OSBPL10: variants seen among roughly 807,000 people sequenced by gnomAD.
OSBPL10 encodes the protein oxysterol-binding protein-related protein 10.
In OSBPL10, 49 loss-of-function variants were observed where a neutral mutation model predicts 81.7. The observed-to-expected ratio is 0.60, with a 90% confidence interval of 0.48 to 0.76. OSBPL10 has a LOEUF of 0.76. OSBPL10 is among the 30% of genes least tolerant of loss of function. The pLI is 0.00. For synonymous variants in OSBPL10, 419 were observed against 383.6 expected (o/e 1.09, Z -1.08); for missense variants, 923 against 987.8 (o/e 0.93, Z 0.88).
intron 5 of OSBPL10, among the ~76,000 whole-genome samples, chr3:31,734,781 C>A (rs1173090594): frequency 6.6e-6 from 1 of 152,160 alleles, no homozygotes; most frequent in East Asian, 1.9e-4. Flanking sequence ...GCTCAGTTGA[C>A]TGACACTCTG....
intron 1 of OSBPL10, among the ~76,000 whole-genome samples, chr3:32,048,037 T>G (rs1049893962): frequency 2.0e-5 from 3 of 152,044 alleles, no homozygotes; most frequent in Non-Finnish European, 4.4e-5. Flanking sequence ...TCCAATATCA[T>G]CCTGTGACTA....
upstream of OSBPL10, among the ~76,000 whole-genome samples, chr3:31,983,439 T>G (rs951903488): frequency 6.6e-6 from 1 of 152,196 alleles, no homozygotes; most frequent in African/African-American, 2.4e-5. Flanking sequence ...AATTCTCACC[T>G]TGGACTAAAA....
chr3:31,850,108 T>C (rs1009450797), intron 3 of OSBPL10, among the ~76,000 whole-genome samples: 11 of 152,088 alleles, frequency 7.2e-5, no homozygotes, highest in African/African-American at 2.4e-4. Flanking sequence ...GAGGTTGCAG[T>C]GAGCCGAGGT....
chr3:31,926,289 G>GCCTGCC (rs1553641094), intron 1 of OSBPL10, among the ~76,000 whole-genome samples: 1 of 130,114 alleles, frequency 7.7e-6, no homozygotes, highest in Admixed American at 7.9e-5. Context: ...GGGTGATTTT[G>GCCTGCC]CCCCCCCAGA....
intron 2 of OSBPL10, among the ~76,000 whole-genome samples, chr3:31,996,748 AACC>A (rs1699093598): frequency 6.6e-6 from 1 of 152,202 alleles, no homozygotes; most frequent in Non-Finnish European, 1.5e-5. Flanking sequence ...AAAGCCGAAA[AACC>A]AGCAAAAAGA....
At chr3:31,760,679 C>T (rs952567566) in intron 4 of OSBPL10, among the ~76,000 whole-genome samples, 4 of 152,148 alleles carry the variant, frequency 2.6e-5, no homozygotes, top group Non-Finnish European at 5.9e-5. Flanking sequence ...TGACTGTATG[C>T]CCTTTTTCAA....
Position 31,661,874 on chromosome 3 carries a change from G to A in OSBPL10, c.*198C>T, listed in dbSNP as rs191691275. ...TACGGTGTGTACACACACGTGCCCC[G>A]AATGGCTCTTGAATAAATTCATTCC... On this transcript the variant is annotated 3_prime_UTR_variant, in exon 12 of 12. Coordinates refer to ENST00000396556, the MANE Select transcript of OSBPL10 (RefSeq NM_017784.5). 38 of 712,454 alleles carry A rather than the reference G, an allele frequency of 5.3e-5. No individual in the cohort carries two copies. Among genetic ancestry groups the A allele is most frequent in the African/African-American group, 4.0e-4 (22 of 55,684 alleles). 44.1% of individuals were successfully genotyped at this position (712,454 alleles called of 1,614,324 possible). A position where few individuals can be genotyped will look rare whatever the true frequency, so the allele number is the denominator to read the frequency against.
intron 1 of OSBPL10, among the ~76,000 whole-genome samples, chr3:31,978,277 C>T (rs889429738): frequency 6.6e-6 from 1 of 152,108 alleles, no homozygotes; most frequent in Admixed American, 6.6e-5. Context: ...CTATGAGGCC[C>T]AGAAAGAAAG....
chr3:31,967,335 G>A (rs946474391), intron 1 of OSBPL10, among the ~76,000 whole-genome samples: 62 of 151,994 alleles, frequency 4.1e-4, no homozygotes, highest in African/African-American at 1.3e-3. Flanking sequence ...GGCCTCAAGC[G>A]ATCCTCCTGC....
intron 1 of OSBPL10, chr3:31,969,635 C>T (rs1377060145): frequency 2.0e-5 from 3 of 152,126 alleles, no homozygotes; most frequent in African/African-American, 7.2e-5. Flanking sequence ...GGCCAGATTA[C>T]TTGATTACTT....
chr3:31,905,053 G>A (rs752076815), intron 1 of OSBPL10, among the ~76,000 whole-genome samples: 1 of 152,200 alleles, frequency 6.6e-6, no homozygotes, highest in African/African-American at 2.4e-5. Context: ...TGAGGGTGAA[G>A]TAAGTTATTT....
intron 10 of OSBPL10, among the ~76,000 whole-genome samples, chr3:31,665,946 A>G (rs549723151): frequency 3.3e-4 from 50 of 152,320 alleles, no homozygotes; most frequent in Non-Finnish European, 6.5e-4. Context: ...CCAGAACCAC[A>G]GACAAAGATC....
At chr3:31,809,714 G>C (rs889602973) in intron 4 of OSBPL10, among the ~76,000 whole-genome samples, 1 of 152,040 alleles carries the variant, frequency 6.6e-6, no homozygotes, top group Non-Finnish European at 1.5e-5. Flanking sequence ...ATATGAATGT[G>C]CCAACAAACC....
chr3:31,678,794 G>GTGTC (rs1700557117), intron 8 of OSBPL10, among the ~76,000 whole-genome samples: 1 of 103,794 alleles, frequency 9.6e-6, no homozygotes, highest in Admixed American at 8.3e-5. Context: ...GTGTGTGTGT[G>GTGTC]TGTGTGTGTG....
chr3:31,758,241 T>C (rs1697942033), intron 4 of OSBPL10, among the ~76,000 whole-genome samples: 1 of 152,198 alleles, frequency 6.6e-6, no homozygotes, highest in South Asian at 2.1e-4. Context: ...GATATGTACA[T>C]GTGCATGTAT....
chr3:31,662,929 G>A, intron 11 of OSBPL10: 3 of 985,446 alleles, frequency 3.0e-6, no homozygotes, highest in Non-Finnish European at 2.4e-6. Flanking sequence ...TCCCCACTCA[G>A]TGACCCATAA....
chr3:31,853,230 G>A (rs1410906094), intron 3 of OSBPL10, among the ~76,000 whole-genome samples: 12 of 152,118 alleles, frequency 7.9e-5, no homozygotes, highest in Admixed American at 7.2e-4. Context: ...GGCCTAAAGA[G>A]GATTCAGAGG....
At chr3:31,749,190 A>G (rs1697633477) in intron 4 of OSBPL10, among the ~76,000 whole-genome samples, 1 of 152,238 alleles carries the variant, frequency 6.6e-6, no homozygotes, top group Non-Finnish European at 1.5e-5. Flanking sequence ...TGATGTCACC[A>G]GTGGGAAGAA....
At chr3:31,733,984 T>TG (rs1356482771) in intron 5 of OSBPL10, among the ~76,000 whole-genome samples, 1 of 151,586 alleles carries the variant, frequency 6.6e-6, no homozygotes, top group African/African-American at 2.4e-5. Context: ...CACTCCAGCC[T>TG]GGGCGACAGA....
Sources: gnomAD v4.1 joint callset for allele counts (sites outside exome capture counted in the v4.1 genomes callset) on GRCh38, gnomAD v4.1.1 for gene constraint, MANE v1.5 for transcripts, NCBI Gene and HGNC (gene_info 2026-07-23, HGNC 2026-07-21) for gene names.